Variants in CFAP263 observed in about 807,000 individuals in gnomAD.
CFAP263 encodes the protein cilia- and flagella-associated protein 263.
the CFAP263 span, among the ~76,000 whole-genome samples, chr16:58,271,586 G>A: frequency 6.6e-6 from 1 of 152,184 alleles, no homozygotes; most frequent in Admixed American, 6.5e-5. Context: ...TTTCCTTGAT[G>A]TTGATGACCT....
chr16:58,257,236 C>A, the CFAP263 span, among the ~76,000 whole-genome samples: 1 of 111,242 alleles, frequency 9.0e-6, no homozygotes, highest in Admixed American at 1.2e-4. Flanking sequence ...CCGGGATGGT[C>A]TCGATCTCCT....
chr16:58,250,088 A>C, the CFAP263 span: 13 of 1,591,074 alleles, frequency 8.2e-6, no homozygotes, highest in Non-Finnish European at 1.1e-5. Flanking sequence ...CCTGTTATCC[A>C]GCTGTGCGGG....
chr16:58,266,416 T>A, the CFAP263 span, among the ~76,000 whole-genome samples: 247 of 112,736 alleles, frequency 2.2e-3, no homozygotes, highest in Non-Finnish European at 2.8e-3. Flanking sequence ...TTTTTTTTTT[T>A]TTTTTTTTTT....
chr16:58,261,418 G>A, the CFAP263 span, among the ~76,000 whole-genome samples: 53 of 152,342 alleles, frequency 3.5e-4, no homozygotes, highest in African/African-American at 1.2e-3. Flanking sequence ...GAGATGGGGA[G>A]TAGATGGATG....
At chr16:58,257,014 C>T in the CFAP263 span, among the ~76,000 whole-genome samples, 716 of 41,764 alleles carry the variant, frequency 0.017, no homozygotes, top group African/African-American at 0.03. Flanking sequence ...ATATGAATTT[C>T]TTTTTTTTTT....
At chr16:58,257,070 T>G in the CFAP263 span, among the ~76,000 whole-genome samples, 1 of 81,704 alleles carries the variant, frequency 1.2e-5, no homozygotes, top group South Asian at 8.2e-4. Flanking sequence ...CAGGCTGGAG[T>G]GCAGTGGCGG....
chr16:58,267,195 C>T, the CFAP263 span, among the ~76,000 whole-genome samples: 1 of 152,170 alleles, frequency 6.6e-6, no homozygotes, highest in African/African-American at 2.4e-5. Context: ...TAGAGAGGTT[C>T]TGGGACCTCC....
the CFAP263 span, among the ~76,000 whole-genome samples, chr16:58,263,033 A>G: frequency 6.6e-6 from 1 of 152,220 alleles, no homozygotes; most frequent in South Asian, 2.1e-4. Flanking sequence ...TCAGAAAACT[A>G]CTAAATAATT....
chr16:58,279,205 C>T, the CFAP263 span, among the ~76,000 whole-genome samples: 1 of 152,172 alleles, frequency 6.6e-6, no homozygotes, highest in African/African-American at 2.4e-5. Flanking sequence ...CCTAGGCTGC[C>T]GTGGCCAGGT....
the CFAP263 span, chr16:58,258,668 G>A: frequency 1.4e-6 from 1 of 700,562 alleles, no homozygotes; most frequent in Non-Finnish European, 2.4e-6. Flanking sequence ...CCCTGAAAGT[G>A]TATGTGTATA....
chr16:58,260,970 C>T, the CFAP263 span, among the ~76,000 whole-genome samples: 2 of 152,096 alleles, frequency 1.3e-5, no homozygotes, highest in African/African-American at 4.8e-5. Flanking sequence ...ATGCTATGGC[C>T]TAGGCTGCGT....
chr16:58,273,518 T>G, the CFAP263 span, among the ~76,000 whole-genome samples: 3 of 152,224 alleles, frequency 2.0e-5, no homozygotes, highest in African/African-American at 7.2e-5. Context: ...GATTCCAGAT[T>G]TTCTATGTTT....
the CFAP263 span, chr16:58,252,803 C>T: frequency 1.7e-5 from 27 of 1,613,094 alleles, no homozygotes; most frequent in East Asian, 8.9e-5. Context: ...CAGGGATCAG[C>T]GACCTCCACG....
At chr16:58,259,889 TTCTC>T in the CFAP263 span, 4 of 1,604,362 alleles carry the variant, frequency 2.5e-6, no homozygotes, top group South Asian at 2.2e-5. Context: ...TGAAAAATGT[TTCTC>T]TCAAAGTTCA....
chr16:58,279,371 G>T, the CFAP263 span, among the ~76,000 whole-genome samples: 2 of 152,220 alleles, frequency 1.3e-5, no homozygotes. Context: ...TTGCAGCAGA[G>T]AGTAAATTAG....
At chr16:58,273,120 T>C in the CFAP263 span, among the ~76,000 whole-genome samples, 5 of 152,346 alleles carry the variant, frequency 3.3e-5, no homozygotes, top group African/African-American at 9.6e-5. Context: ...TTCTCTTTGC[T>C]TTGCCATTTA....
At chr16:58,278,566 C>T in the CFAP263 span, 283 of 1,614,088 alleles carry the variant, frequency 1.8e-4, no homozygotes, top group Admixed American at 2.3e-4. Context: ...GACTTACGTC[C>T]GGGAGAAGAT....
chr16:58,279,810 A>C, the CFAP263 span: 1 of 1,512,988 alleles, frequency 6.6e-7, no homozygotes, highest in East Asian at 2.3e-5. Flanking sequence ...AGACCACTAC[A>C]TGACCTATAA....
At chr16:58,264,983 G>A in the CFAP263 span, among the ~76,000 whole-genome samples, 2,667 of 152,264 alleles carry the variant, frequency 0.018, 68 homozygotes, top group African/African-American at 0.059. Context: ...TGAGTTTCAT[G>A]TGTGAGCCTG....
Sources: gnomAD v4.1 joint callset for allele counts (sites outside exome capture counted in the v4.1 genomes callset) on GRCh38, gnomAD v4.1.1 for gene constraint, MANE v1.5 for transcripts, NCBI Gene and HGNC (gene_info 2026-07-23, HGNC 2026-07-21) for gene names.